SLC4A4: variants seen among roughly 807,000 people sequenced by gnomAD.
SLC4A4 encodes electrogenic sodium bicarbonate cotransporter 1.
A neutral mutation model predicts 111.5 loss-of-function variants in SLC4A4; 27 were observed. The ratio of observed to expected loss-of-function variants is 0.24; its 90% CI spans 0.18 to 0.33. The LOEUF is 0.33. Ranked by LOEUF, SLC4A4 falls within the 10% of genes least tolerant of loss-of-function variation. SLC4A4 has a pLI of 1.00. For synonymous variants in SLC4A4, 443 were observed against 463.4 expected, an observed-to-expected ratio of 0.96 and a Z score of 0.57; for missense variants, 909 against 1,315.5, an observed-to-expected ratio of 0.69 and a Z score of 4.78.
At chr4:71,420,355 T>A (rs1196473174) in intron 7 of SLC4A4, among the ~76,000 whole-genome samples, 2 of 152,128 alleles carry the variant, frequency 1.3e-5, no homozygotes, top group Non-Finnish European at 2.9e-5. Flanking sequence ...CAAATCTATC[T>A]CTGATTGGTG....
At chr4:71,310,183 G>A (rs1250335556) in intron 3 of SLC4A4, among the ~76,000 whole-genome samples, 2 of 152,080 alleles carry the variant, frequency 1.3e-5, no homozygotes, top group Non-Finnish European at 2.9e-5. Context: ...ATGGGACTCT[G>A]TGAAAAGACC....
chr4:71,084,864 T>A (rs1170788501), intron 1 of SLC4A4, among the ~76,000 whole-genome samples: 1 of 152,104 alleles, frequency 6.6e-6, no homozygotes, highest in Non-Finnish European at 1.5e-5. Context: ...ACAATAAACA[T>A]ACCTGTGCAT....
rs186155100 is a variant in SLC4A4, at chr4:71,107,392, G to C, written c.-2+14600G>C. Among the ~76,000 whole-genome samples, 6 of 152,158 alleles carry C rather than the reference G, an allele frequency of 3.9e-5. No individual in the cohort carries two copies. In the East Asian group the frequency reaches 9.7e-4, roughly 25 times the overall value. Reference sequence around the variant, plus strand: ...GATGGAGTCTAGCTCTGTCAACCAGGCTGGAGTGCAGTGGTGCCCTCTCGG... The same window carrying C: ...GATGGAGTCTAGCTCTGTCAACCAGCCTGGAGTGCAGTGGTGCCCTCTCGG... On this transcript the variant is annotated intron_variant, in intron 2 of 26. Coordinates refer to the SLC4A4 transcript ENST00000649996.
chr4:71,336,527 G>T (rs183382490), intron 3 of SLC4A4, among the ~76,000 whole-genome samples: 1 of 152,312 alleles, frequency 6.6e-6, no homozygotes, highest in Admixed American at 6.5e-5. Flanking sequence ...ATCAGGAGTA[G>T]TTTGAATAGT....
At chr4:71,124,413 AC>A (rs992107870) in intron 2 of SLC4A4, among the ~76,000 whole-genome samples, 1 of 150,738 alleles carries the variant, frequency 6.6e-6, no homozygotes, top group Non-Finnish European at 1.5e-5. Context: ...TATGTGATCC[AC>A]CCCCCTCGAC....
chr4:71,450,831 C>T (rs1725693153), intron 10 of SLC4A4, among the ~76,000 whole-genome samples: 2 of 152,136 alleles, frequency 1.3e-5, no homozygotes, highest in East Asian at 1.9e-4. Flanking sequence ...TTTGGGGACC[C>T]CCTGTATATC....
At chr4:71,150,886 T>C (rs1744298176) in intron 2 of SLC4A4, among the ~76,000 whole-genome samples, 1 of 152,142 alleles carries the variant, frequency 6.6e-6, no homozygotes, top group Non-Finnish European at 1.5e-5. Flanking sequence ...GGGATGTTTG[T>C]AGAAGAGTTA....
At chr4:71,480,208 C>A (rs1465227709) in intron 14 of SLC4A4, among the ~76,000 whole-genome samples, 4 of 151,328 alleles carry the variant, frequency 2.6e-5, no homozygotes, top group African/African-American at 9.7e-5. Context: ...ATCTCAATAT[C>A]TCCACAGTAG....
rs115431526 is a variant in SLC4A4 at position 71,341,558 on chromosome 4, A to T, written c.389+2053A>T. On this transcript the variant is annotated intron_variant, in intron 4 of 25. Transcript: ENST00000264485. The stretch of plus-strand genomic sequence containing the variant: ...TGAAGAGTCTTTTAAGAGTTAGAGG[A>T]ATAATTTTTATTTTCTGAGGCATAC... 1.1e-3 allele frequency among the ~76,000 whole-genome samples: 165 copies of T among 152,266 alleles called. 2 individuals are homozygous for T. The highest frequency in any genetic ancestry group is 3.9e-3 in the African/African-American group (162 of 41,574).
At chr4:71,384,226 G>A (rs1718443097) in intron 6 of SLC4A4, among the ~76,000 whole-genome samples, 1 of 152,134 alleles carries the variant, frequency 6.6e-6, no homozygotes, top group Non-Finnish European at 1.5e-5. Flanking sequence ...TCTCCAAGGG[G>A]GAGAAAATGA....
At chr4:71,371,032 C>T (rs189103011) in intron 6 of SLC4A4, among the ~76,000 whole-genome samples, 1 of 152,234 alleles carries the variant, frequency 6.6e-6, no homozygotes, top group East Asian at 1.9e-4. Context: ...CTAATACTTA[C>T]TGTATCCATT....
intron 2 of SLC4A4, among the ~76,000 whole-genome samples, chr4:71,123,102 A>G (rs971439491): frequency 5.3e-5 from 8 of 152,242 alleles, no homozygotes; most frequent in African/African-American, 1.7e-4. Flanking sequence ...TTTAGATGGT[A>G]TAATGAAAAG....
chr4:71,140,107 G>T (rs1177066657), intron 2 of SLC4A4, among the ~76,000 whole-genome samples: 1 of 152,058 alleles, frequency 6.6e-6, no homozygotes, highest in Non-Finnish European at 1.5e-5. Context: ...TGAACACATA[G>T]CATCCAATGG....
At chr4:71,522,215 C>T (rs1019953166) in intron 16 of SLC4A4, among the ~76,000 whole-genome samples, 2 of 152,128 alleles carry the variant, frequency 1.3e-5, no homozygotes, top group African/African-American at 4.8e-5. Flanking sequence ...CTATCAGCCT[C>T]GAGTCTTTAG....
chr4:71,386,415 C>T (rs751004345), intron 6 of SLC4A4, among the ~76,000 whole-genome samples: 2 of 151,994 alleles, frequency 1.3e-5, no homozygotes, highest in Non-Finnish European at 2.9e-5. Context: ...ATAATGTTCT[C>T]TCTACAATTT....
At chr4:71,281,383 G>C (rs1364491325) in intron 3 of SLC4A4, among the ~76,000 whole-genome samples, 1 of 152,140 alleles carries the variant, frequency 6.6e-6, no homozygotes, top group Non-Finnish European at 1.5e-5. Context: ...AAGAACACTA[G>C]GATATATGTC....
chr4:71,557,036 A>G (rs1401003849), intron 21 of SLC4A4, among the ~76,000 whole-genome samples: 3 of 151,878 alleles, frequency 2.0e-5, no homozygotes, highest in Non-Finnish European at 2.9e-5. Flanking sequence ...CTCAGTAGTT[A>G]TTTCAATAGC....
chr4:71,328,067 A>G (rs1441658273), intron 3 of SLC4A4, among the ~76,000 whole-genome samples: 1 of 152,044 alleles, frequency 6.6e-6, no homozygotes, highest in African/African-American at 2.4e-5. Flanking sequence ...GTTTCCACAA[A>G]TAAGTGAGGA....
At chr4:71,431,348 T>C (rs1560502783) in intron 7 of SLC4A4, among the ~76,000 whole-genome samples, 3 of 152,012 alleles carry the variant, frequency 2.0e-5, no homozygotes, top group South Asian at 2.1e-4. Context: ...GGTCACTTAA[T>C]TAAATATTGG....
Sources: allele counts gnomAD v4.1 joint callset (sites outside exome capture counted in the v4.1 genomes callset), GRCh38; gene constraint gnomAD v4.1.1; transcripts MANE v1.5; gene names NCBI Gene and HGNC (gene_info 2026-07-23, HGNC 2026-07-21).